The following ARHGAP35 variants were observed in gnomAD, a reference collection of about 807,000 sequenced individuals.
The protein encoded by ARHGAP35 is rho GTPase-activating protein 35.
A neutral mutation model predicts 111.1 loss-of-function variants in ARHGAP35; 15 were observed. That is an observed-to-expected ratio of 0.13 (90% CI 0.09 to 0.21). ARHGAP35 has a LOEUF of 0.21. Among genes scored for constraint, ARHGAP35 ranks in the 10% least tolerant of loss-of-function variants. The probability of loss-of-function intolerance (pLI) is 1.00; values close to 1 mark genes in which losing one functional copy is unlikely to be tolerated. For missense variants in ARHGAP35, 1,262 were observed against 1,873.0 expected (o/e 0.67, Z 6.02); for synonymous variants, 643 against 710.3 (o/e 0.91, Z 1.51).
intron 3 of ARHGAP35, among the ~76,000 whole-genome samples, chr19:46,983,054 CAAAAAAAAAAA>C (rs71179281): frequency 4.4e-4 from 21 of 47,648 alleles, no homozygotes; most frequent in Admixed American, 1.1e-3. Flanking sequence ...ACCTTGTGTA[CAAAAAAAAAAA>C]AAAAAAAAAA....
At chr19:46,963,852 TTTTA>T (rs1215562580) in intron 3 of ARHGAP35, among the ~76,000 whole-genome samples, 1 of 152,094 alleles carries the variant, frequency 6.6e-6, no homozygotes. Context: ...GATGAGATTA[TTTTA>T]TTTATTTATT....
chr19:46,903,277 T>C (rs2056090475), intron 1 of ARHGAP35, among the ~76,000 whole-genome samples: 1 of 152,184 alleles, frequency 6.6e-6, no homozygotes, highest in Admixed American at 6.5e-5. Context: ...CCCATAAGAT[T>C]TTAACATAGT....
chr19:46,992,128 T>C lies in ARHGAP35; in HGVS notation c.4036+2453T>C, dbSNP rs1427554983. Among the ~76,000 whole-genome samples, 20 of 152,150 alleles carry C rather than the reference T, an allele frequency of 1.3e-4. No homozygotes were observed. Among genetic ancestry groups the C allele is most frequent in the Admixed American group, 1.3e-3 (20 of 15,282 alleles). ...ACAGCAGCAGCAACCGCACCGCCCA[T>C]GGCCTGTGTGCCTGCCTAGGCTGGG... On this transcript the variant is annotated intron_variant, in intron 5 of 6. Coordinates refer to ENST00000672722, the MANE Select transcript of ARHGAP35 (RefSeq NM_004491.5). The surrounding 1 kb of genome is among the most constrained non-coding windows in gnomAD (Gnocchi z 4.4).
At position 46,988,093 on chromosome 19, in the gene ARHGAP35, G is replaced by T. The variant is rs536828724; in HGVS notation, c.3904+27G>T. The T allele has an allele frequency of 6.2e-7, 1 of 1,606,722 alleles. No individual in the cohort carries two copies. Among genetic ancestry groups the T allele is most frequent in the Non-Finnish European group, 8.5e-7 (1 of 1,175,320 alleles). On this transcript the variant is annotated intron_variant, in intron 4 of 6. Coordinates refer to ENST00000672722, the MANE Select transcript of ARHGAP35 (RefSeq NM_004491.5). This position sits in a 1 kb window ranked among gnomAD's most constrained non-coding sequence, Gnocchi z 5.4. ...TAAAGTGCAGCCTGGCCAGGCATCC[G>T]AGGCCAGAGCTGGTCAAGGCAGACA...
At chr19:46,935,181 G>A (rs1195916815) in intron 2 of ARHGAP35, among the ~76,000 whole-genome samples, 1 of 152,198 alleles carries the variant, frequency 6.6e-6, no homozygotes. Context: ...AGGAGGCTAT[G>A]CCACTACTTT....
At chr19:46,900,768 GA>G (rs11373507) in intron 1 of ARHGAP35, among the ~76,000 whole-genome samples, 2 of 150,006 alleles carry the variant, frequency 1.3e-5, no homozygotes, top group East Asian at 2.0e-4. Context: ...AGAAATTAAA[GA>G]AAAAAAAAAC....
intron 2 of ARHGAP35, among the ~76,000 whole-genome samples, chr19:46,934,501 G>C (rs533599567): frequency 6.6e-6 from 1 of 152,086 alleles, no homozygotes; most frequent in African/African-American, 2.4e-5. Flanking sequence ...CTGAGTAGCT[G>C]GGATTACAGG....
intron 1 of ARHGAP35, among the ~76,000 whole-genome samples, chr19:46,888,044 T>G (rs1271920169): frequency 6.7e-6 from 1 of 150,102 alleles, no homozygotes; most frequent in Non-Finnish European, 1.5e-5. Flanking sequence ...CTCCGCCTCC[T>G]GGGTTCATGC....
intron 3 of ARHGAP35, among the ~76,000 whole-genome samples, chr19:46,966,679 C>G (rs1363862549): frequency 6.6e-6 from 1 of 151,944 alleles, no homozygotes; most frequent in African/African-American, 2.4e-5. Context: ...GTCTTACTTT[C>G]TAGGGTTGAT....
intron 1 of ARHGAP35, among the ~76,000 whole-genome samples, chr19:46,913,879 C>A (rs2056150986): frequency 6.6e-6 from 1 of 152,210 alleles, no homozygotes. Context: ...GCTAAGAACA[C>A]TGGTTCCCAT....
intron 1 of ARHGAP35, among the ~76,000 whole-genome samples, chr19:46,912,754 T>C (rs2122183759): frequency 1.3e-5 from 2 of 152,248 alleles, no homozygotes; most frequent in African/African-American, 4.8e-5. Flanking sequence ...CTACCTGACA[T>C]GGAAAGTGCT....
At chr19:46,876,119 T>C (rs1469668333) in intron 1 of ARHGAP35, among the ~76,000 whole-genome samples, 1 of 152,136 alleles carries the variant, frequency 6.6e-6, no homozygotes, top group Non-Finnish European at 1.5e-5. Flanking sequence ...TAGTGTTTAC[T>C]CATAGGGTAA....
intron 1 of ARHGAP35, among the ~76,000 whole-genome samples, chr19:46,883,701 C>T (rs1031588323): frequency 1.3e-5 from 2 of 152,098 alleles, no homozygotes; most frequent in Non-Finnish European, 2.9e-5. Context: ...TGCCAATGAC[C>T]TTCAGTTAAA....
intron 3 of ARHGAP35, among the ~76,000 whole-genome samples, chr19:46,977,103 A>C (rs1319135993): frequency 6.6e-6 from 1 of 152,212 alleles, no homozygotes; most frequent in African/African-American, 2.4e-5. Flanking sequence ...CCCTGATAAA[A>C]GGCGACAGAG....
chr19:46,875,102 G>A (rs1490727167), intron 1 of ARHGAP35, among the ~76,000 whole-genome samples: 3 of 152,006 alleles, frequency 2.0e-5, no homozygotes, highest in East Asian at 1.9e-4. Flanking sequence ...GTGAGCCACC[G>A]CACCTGGCCC....
At chr19:46,877,246 C>A (rs2055929191) in intron 1 of ARHGAP35, among the ~76,000 whole-genome samples, 1 of 67,268 alleles carries the variant, frequency 1.5e-5, no homozygotes, top group South Asian at 4.8e-4. Context: ...GTAAAACTGT[C>A]TCAAAAAAAA....
intron 1 of ARHGAP35, among the ~76,000 whole-genome samples, chr19:46,864,070 C>T (rs1357140686): frequency 6.6e-6 from 1 of 152,242 alleles, no homozygotes; most frequent in Non-Finnish European, 1.5e-5. Flanking sequence ...GGCTCTTTGC[C>T]TGCCGTACAA....
intron 1 of ARHGAP35, among the ~76,000 whole-genome samples, chr19:46,881,214 A>G (rs1381568511): frequency 6.6e-6 from 1 of 152,188 alleles, no homozygotes; most frequent in East Asian, 1.9e-4. Context: ...TGCAGGGATT[A>G]TAGGCGTGAG....
At chr19:46,928,720 T>C (rs1361269340) in intron 2 of ARHGAP35, among the ~76,000 whole-genome samples, 1 of 151,996 alleles carries the variant, frequency 6.6e-6, no homozygotes, top group Non-Finnish European at 1.5e-5. Context: ...TCACTTGAGG[T>C]CAGGAGTTCG....
Sources: allele counts gnomAD v4.1 joint callset (sites outside exome capture counted in the v4.1 genomes callset), GRCh38; gene constraint gnomAD v4.1.1; non-coding constraint Gnocchi (gnomAD v3.1); transcripts MANE v1.5; gene names NCBI Gene and HGNC (gene_info 2026-07-23, HGNC 2026-07-21).